Variants in AAGAB observed in about 807,000 individuals in gnomAD.
AAGAB encodes the protein alpha and gamma adaptin binding protein, also known as alpha- and gamma-adaptin-binding protein p34.
Under a neutral mutation model 44.1 loss-of-function variants are expected in AAGAB, and 38 were observed. The ratio of observed to expected loss-of-function variants is 0.86; its 90% CI spans 0.67 to 1.13. The LOEUF is 1.13. Among genes scored for constraint, AAGAB ranks in the 50% most tolerant of loss-of-function variants. The pLI is 0.00. For synonymous variants in AAGAB, 131 were observed against 131.8 expected, an observed-to-expected ratio of 0.99 and a Z score of 0.04; for missense variants, 450 against 373.8, an observed-to-expected ratio of 1.20 and a Z score of -1.68.
chr15:67,237,752 C>T (rs1260356509), intron 1 of AAGAB, among the ~76,000 whole-genome samples: 2 of 152,070 alleles, frequency 1.3e-5, no homozygotes. Flanking sequence ...AAATGACATG[C>T]CATTAATTGA....
chr15:67,253,139 G>A (rs1964917338), intron 1 of AAGAB, among the ~76,000 whole-genome samples: 1 of 152,098 alleles, frequency 6.6e-6, no homozygotes. Flanking sequence ...GAAGGTGAAG[G>A]GGCCGGGCGC....
intron 5 of AAGAB, among the ~76,000 whole-genome samples, chr15:67,230,763 C>G (rs978246531): frequency 2.0e-5 from 3 of 152,194 alleles, no homozygotes; most frequent in Admixed American, 2.0e-4. Context: ...AGCCTTTTGT[C>G]TCATGGCCAC....
chr15:67,204,081 A>G lies in AAGAB; in HGVS notation c.783T>C (p.Asn261=), dbSNP rs749583839. The change falls in exon 8 of 10, where the codon AAT becomes AAC. Residue 261 remains asparagine (N), a synonymous_variant. Coordinates refer to ENST00000261880, the MANE Select transcript of AAGAB (RefSeq NM_024666.5). ...TTAACTTTGAAAAGAGTCTTTCAAA[A>G]TTCTCCACATCTCCTCCTCCAGTGG... ...SLTTGGGDVE[N]FERLFSKLKE... is the part of the protein sequence containing the mutation. The G allele has an allele frequency of 1.9e-6, 3 of 1,612,170 alleles. No homozygotes were observed. The highest frequency in any genetic ancestry group is 2.7e-5 in the African/African-American group (2 of 74,894).
chr15:67,255,084 A>T, upstream of AAGAB: 1 of 832,086 alleles, frequency 1.2e-6, no homozygotes. Context: ...GAGGCTCCCA[A>T]AAATGCCCAC....
upstream of AAGAB, chr15:67,255,001 C>G: frequency 6.5e-7 from 1 of 1,544,294 alleles, no homozygotes; most frequent in South Asian, 1.1e-5. Context: ...CACTTCCGAG[C>G]GAGGTCCCGC....
intron 5 of AAGAB, among the ~76,000 whole-genome samples, chr15:67,227,766 A>G (rs529023855): frequency 1.3e-5 from 2 of 152,334 alleles, no homozygotes; most frequent in East Asian, 3.9e-4. Flanking sequence ...TGTCTCTAAA[A>G]TAAGATGCAG....
At chr15:67,229,660 T>C (rs1194149130) in intron 5 of AAGAB, among the ~76,000 whole-genome samples, 1 of 151,936 alleles carries the variant, frequency 6.6e-6, no homozygotes, top group Non-Finnish European at 1.5e-5. Flanking sequence ...CAGAAGGAGC[T>C]TCTCTAATGA....
At chr15:67,202,962 A>G (rs1963601040) in intron 9 of AAGAB, 64 bp from the exon 10 acceptor site, 10 of 1,504,248 alleles carry the variant, frequency 6.6e-6, no homozygotes, top group Admixed American at 3.3e-5. Flanking sequence ...TTCATATGTC[A>G]TACCTTAAAC....
intron 1 of AAGAB, among the ~76,000 whole-genome samples, chr15:67,247,973 C>T (rs1356798528): frequency 6.6e-6 from 1 of 152,178 alleles, no homozygotes; most frequent in Admixed American, 6.5e-5. Context: ...ATGTATAGAA[C>T]TGGAATTGAA....
chr15:67,222,230 A>ACGCG lies in AAGAB; in HGVS notation c.535+9580_535+9583dup, dbSNP rs372896757. Among the ~76,000 whole-genome samples, 732 of 133,804 alleles carry ACGCG rather than the reference A, an allele frequency of 5.5e-3. 7 individuals carry two copies. Among genetic ancestry groups the ACGCG allele is most frequent in the East Asian group, 0.047 (207 of 4,440 alleles). 87.8% of individuals were successfully genotyped at this position (133,804 alleles called of 152,430 possible). On this transcript the variant is annotated intron_variant, in intron 5 of 9. Transcript: ENST00000261880. ...CTGATTACTACATGCATGCACGCGCACGCGCGCGCGCGCACACACACACAC... is the reference window on the plus strand; with the variant it reads ...CTGATTACTACATGCATGCACGCGCACGCGCGCGCGCGCGCGCACACACACACAC...
chr15:67,222,269 CA>C (rs1567021040), intron 5 of AAGAB, among the ~76,000 whole-genome samples: 1 of 150,898 alleles, frequency 6.6e-6, no homozygotes, highest in Non-Finnish European at 1.5e-5. Context: ...CACACACACA[CA>C]CACACACACA....
At position 67,209,529 on chromosome 15, in the gene AAGAB, A is replaced by AATT. The variant is rs2140346334; in HGVS notation, c.550_551insAAT (p.Gly183_Phe184insTer). The AATT allele has an allele frequency of 1.9e-6, 3 of 1,614,002 alleles. No homozygotes were observed. Among genetic ancestry groups the AATT allele is most frequent in the Non-Finnish European group, 2.5e-6 (3 of 1,179,862 alleles). On this transcript the variant is annotated stop_gained, in exon 6 of 10. Transcript: ENST00000261880. LOFTEE classifies it high-confidence loss of function. ...TCCAGTCAATGAGTTGAGAAGGCTAAAGCCTTGGTTCCTATCTGAAAAGGA... is the reference window on the plus strand; with the variant it reads ...TCCAGTCAATGAGTTGAGAAGGCTAAATTAGCCTTGGTTCCTATCTGAAAAGGA...
upstream of AAGAB, chr15:67,255,065 A>C: frequency 1.0e-6 from 1 of 998,902 alleles, no homozygotes; most frequent in Non-Finnish European, 1.6e-6. Context: ...GACTCCCTCC[A>C]ACTCGCGAGA....
chr15:67,254,907 A>G (rs758889010), upstream of AAGAB: 30 of 1,613,876 alleles, frequency 1.9e-5, no homozygotes, highest in Non-Finnish European at 2.3e-5. Flanking sequence ...ATGGCACAGA[A>G]CACTGAAAAC....
At chr15:67,237,313 T>A (rs567164429) in intron 1 of AAGAB, among the ~76,000 whole-genome samples, 68 of 152,306 alleles carry the variant, frequency 4.5e-4, no homozygotes, top group Middle Eastern at 3.4e-3. Context: ...TGCTTAGACA[T>A]TAATTCAGCT....
chr15:67,220,202 T>C (rs981143395), intron 5 of AAGAB, among the ~76,000 whole-genome samples: 6 of 152,166 alleles, frequency 3.9e-5, no homozygotes, highest in African/African-American at 1.4e-4. Context: ...AAGATCTATT[T>C]AAAAGAAATA....
chr15:67,231,975 C>T, intron 4 of AAGAB, 78 bp from the exon 5 acceptor site: 1 of 1,260,026 alleles, frequency 7.9e-7, no homozygotes, highest in Non-Finnish European at 1.1e-6. Flanking sequence ...AAAATGTGGC[C>T]AGGCACGGTG....
chr15:67,247,306 A>T lies in AAGAB; in HGVS notation c.73+7253T>A, dbSNP rs1489959728. On this transcript the variant is annotated intron_variant, in intron 1 of 9. Coordinates refer to ENST00000261880, the MANE Select transcript of AAGAB (RefSeq NM_024666.5). ...CAGACACACCTTGACCTTACAAAAAATGATTTTATATCAGATTGCATTATT... is the reference window on the plus strand; with the variant it reads ...CAGACACACCTTGACCTTACAAAAATTGATTTTATATCAGATTGCATTATT... Among the ~76,000 whole-genome samples, 8 of 152,250 alleles carry T rather than the reference A, an allele frequency of 5.3e-5. No individual in the cohort carries two copies. In the East Asian group the frequency reaches 1.5e-3, roughly 29 times the overall value.
intron 7 of AAGAB, among the ~76,000 whole-genome samples, chr15:67,206,464 A>G (rs1332458045): frequency 1.3e-5 from 2 of 152,202 alleles, no homozygotes; most frequent in African/African-American, 2.4e-5. Flanking sequence ...ACTTTCACCT[A>G]TGCTACCAAG....
Sources: gnomAD v4.1 joint callset for allele counts (sites outside exome capture counted in the v4.1 genomes callset) on GRCh38, gnomAD v4.1.1 for gene constraint, MANE v1.5 for transcripts, NCBI Gene and HGNC (gene_info 2026-07-23, HGNC 2026-07-21) for gene names.